The following CNTNAP2 variants were observed in gnomAD, a reference collection of about 807,000 sequenced individuals.
CNTNAP2 encodes contactin-associated protein-like 2.
In CNTNAP2, 98 loss-of-function variants were observed where a neutral mutation model predicts 155.2. The ratio of observed to expected loss-of-function variants is 0.63; its 90% confidence interval spans 0.54 to 0.75. The LOEUF is 0.75. Among genes scored for constraint, CNTNAP2 ranks in the 30% least tolerant of loss-of-function variants. CNTNAP2 has a pLI of 0.00. For missense variants in CNTNAP2, 1,727 were observed against 1,688.1 expected (o/e 1.02, Z -0.40); for synonymous variants, 651 against 631.2 (o/e 1.03, Z -0.47).
chr7:146,405,175 T>C (rs931185689), intron 1 of CNTNAP2, among the ~76,000 whole-genome samples: 3 of 152,162 alleles, frequency 2.0e-5, no homozygotes, highest in African/African-American at 7.2e-5. Context: ...CTAATGAGCC[T>C]TGTTGTTGTC....
intron 3 of CNTNAP2, among the ~76,000 whole-genome samples, chr7:146,911,756 T>C (rs1796286938): frequency 6.6e-6 from 1 of 151,876 alleles, no homozygotes; most frequent in Non-Finnish European, 1.5e-5. Flanking sequence ...TGTATACATA[T>C]GTAACTAACC....
At chr7:147,372,104 G>T (rs1200841032) in intron 9 of CNTNAP2, among the ~76,000 whole-genome samples, 2 of 152,060 alleles carry the variant, frequency 1.3e-5, no homozygotes, top group Non-Finnish European at 2.9e-5. Flanking sequence ...TTCCCTGCCT[G>T]CTTAGAGAAA....
Position 146,864,838 on chromosome 7 carries a change from A to C in CNTNAP2, c.402+24934A>C, listed in dbSNP as rs1585128178. ...CAAACAAAGCAAAACAAAACAAAAC[A>C]GAACCTGCAGGGTGGCAGGCTCCTG... On this transcript the variant is annotated intron_variant, in intron 3 of 23. Transcript: ENST00000361727. 5.1e-4 allele frequency among the ~76,000 whole-genome samples: 7 copies of C among 13,708 alleles called. 1 individual carries two copies. In the Admixed American group the frequency reaches 7.5e-3, roughly 15 times the overall value. The allele number at this position is 13,708 out of a possible 152,430, so 9.0% of individuals were successfully genotyped here. A position where few individuals can be genotyped will look rare whatever the true frequency, so the allele number is the denominator to read the frequency against.
intron 4 of CNTNAP2, among the ~76,000 whole-genome samples, chr7:147,096,806 G>A (rs1307992803): frequency 6.6e-6 from 1 of 152,200 alleles, no homozygotes; most frequent in Non-Finnish European, 1.5e-5. Flanking sequence ...CAGCACCCAA[G>A]TTCACAGTGA....
At chr7:147,514,279 T>C (rs1287433529) in intron 11 of CNTNAP2, among the ~76,000 whole-genome samples, 1 of 152,088 alleles carries the variant, frequency 6.6e-6, no homozygotes. Flanking sequence ...AAAATATATA[T>C]AGATATGGAT....
At chr7:147,498,829 C>T (rs1194300603) in intron 11 of CNTNAP2, among the ~76,000 whole-genome samples, 1 of 152,108 alleles carries the variant, frequency 6.6e-6, no homozygotes, top group Non-Finnish European at 1.5e-5. Flanking sequence ...TTCTCATGCA[C>T]TACCTACCTT....
At chr7:146,936,714 T>G (rs1796922596) in intron 3 of CNTNAP2, among the ~76,000 whole-genome samples, 1 of 152,210 alleles carries the variant, frequency 6.6e-6, no homozygotes, top group East Asian at 1.9e-4. Flanking sequence ...GCAGCCATAC[T>G]TCAACCAGTC....
chr7:146,658,412 T>C (rs986013121), intron 1 of CNTNAP2, among the ~76,000 whole-genome samples: 4 of 151,744 alleles, frequency 2.6e-5, no homozygotes, highest in African/African-American at 9.7e-5. Flanking sequence ...GAAGTTTGCA[T>C]TAATGAAAGC....
At chr7:147,490,492 C>T (rs991419121) in intron 11 of CNTNAP2, among the ~76,000 whole-genome samples, 2 of 152,018 alleles carry the variant, frequency 1.3e-5, no homozygotes, top group Non-Finnish European at 2.9e-5. Context: ...TGTTGATAAT[C>T]CATTTCACCT....
At chr7:146,554,342 G>A (rs1156764409) in intron 1 of CNTNAP2, among the ~76,000 whole-genome samples, 1 of 152,084 alleles carries the variant, frequency 6.6e-6, no homozygotes, top group Non-Finnish European at 1.5e-5. Flanking sequence ...TTGGGTTCAT[G>A]TGGATTTCAA....
intron 1 of CNTNAP2, among the ~76,000 whole-genome samples, chr7:146,158,904 C>T (rs908612108): frequency 3.9e-5 from 6 of 152,152 alleles, no homozygotes; most frequent in African/African-American, 1.4e-4. Context: ...TACAAAGATA[C>T]TCCTCAAGAA....
intron 1 of CNTNAP2, among the ~76,000 whole-genome samples, chr7:146,633,398 A>C (rs1424108687): frequency 6.6e-6 from 1 of 152,176 alleles, no homozygotes; most frequent in Admixed American, 6.5e-5. Context: ...ATTTCTGGCA[A>C]ATCATAAATT....
At chr7:146,586,017 AC>A (rs1554452172) in intron 1 of CNTNAP2, among the ~76,000 whole-genome samples, 1 of 76,814 alleles carries the variant, frequency 1.3e-5, no homozygotes, top group South Asian at 6.6e-4. Context: ...AAAAACAACA[AC>A]AACAAAACAA....
intron 1 of CNTNAP2, among the ~76,000 whole-genome samples, chr7:146,122,652 C>CATT (rs1797580393): frequency 6.6e-6 from 1 of 151,010 alleles, no homozygotes; most frequent in African/African-American, 2.4e-5. Context: ...CCAAACTCTC[C>CATT]CATTCATTCA....
intron 18 of CNTNAP2, among the ~76,000 whole-genome samples, chr7:148,214,804 C>G (rs942670607): frequency 6.6e-6 from 1 of 152,114 alleles, no homozygotes; most frequent in African/African-American, 2.4e-5. Flanking sequence ...CTCCTGGCCT[C>G]GTGATCCGCC....
chr7:147,114,752 G>C (rs1419358180), intron 5 of CNTNAP2, among the ~76,000 whole-genome samples: 1 of 152,062 alleles, frequency 6.6e-6, no homozygotes, highest in East Asian at 1.9e-4. Context: ...TTGGGTCTTG[G>C]CTCTTTATCC....
rs148164317 is a variant in CNTNAP2 at position 146,352,161 on chromosome 7, A to G, written c.97+235188A>G. ...TTAAGAGGAATTTATTTGTATTTCCATGTATTTACATGTTGTACACTATTC... is the reference window on the plus strand; with the variant it reads ...TTAAGAGGAATTTATTTGTATTTCCGTGTATTTACATGTTGTACACTATTC... On this transcript the variant is annotated intron_variant, in intron 1 of 23. Coordinates refer to ENST00000361727, the MANE Select transcript of CNTNAP2 (RefSeq NM_014141.6). Among the ~76,000 whole-genome samples, 220 of 152,310 alleles carry G rather than the reference A, an allele frequency of 1.4e-3. 1 individual carries two copies. Among genetic ancestry groups the G allele is most frequent in the African/African-American group, 5.1e-3 (213 of 41,580 alleles).
chr7:146,847,657 G>GT (rs1367215110), intron 3 of CNTNAP2, among the ~76,000 whole-genome samples: 3 of 151,898 alleles, frequency 2.0e-5, no homozygotes, highest in Non-Finnish European at 4.4e-5. Context: ...TTATAATAAC[G>GT]TTTTTCTATT....
At chr7:146,213,834 A>G (rs558631725) in intron 1 of CNTNAP2, among the ~76,000 whole-genome samples, 2 of 152,206 alleles carry the variant, frequency 1.3e-5, no homozygotes, top group African/African-American at 4.8e-5. Flanking sequence ...ATAAGATGCC[A>G]TCATTGTTTT....
Sources: gnomAD v4.1 joint callset for allele counts (sites outside exome capture counted in the v4.1 genomes callset) on GRCh38, gnomAD v4.1.1 for gene constraint, MANE v1.5 for transcripts, NCBI Gene and HGNC (gene_info 2026-07-23, HGNC 2026-07-21) for gene names.